SNX22: variants seen among roughly 807,000 people sequenced by gnomAD.
SNX22 encodes sorting nexin 22, also known as sorting nexin-22.
Under a neutral mutation model 24.7 loss-of-function variants are expected in SNX22, and 23 were observed. The observed-to-expected ratio is 0.93, with a 90% CI of 0.67 to 1.32. SNX22 has a LOEUF of 1.32. Among genes scored for constraint, SNX22 ranks in the 40% most tolerant of loss-of-function variants. SNX22 has a pLI of 0.00. For synonymous variants in SNX22, 99 were observed against 104.0 expected (o/e 0.95, Z 0.29); for missense variants, 261 against 249.9 (o/e 1.04, Z -0.30).
At position 64,156,779 on chromosome 15, in the gene SNX22, C is replaced by T; in HGVS notation, c.*2271C>T. 6.2e-7 allele frequency: 1 copy of T among 1,614,208 alleles called. No individual in the cohort carries two copies. Among genetic ancestry groups the T allele is most frequent in the African/African-American group, 1.3e-5 (1 of 75,050 alleles). On this transcript the variant is annotated 3_prime_UTR_variant, in exon 7 of 7. Transcript: ENST00000325881. The surrounding 1 kb of genome is among the most constrained non-coding windows in gnomAD (Gnocchi z 6.4). The stretch of plus-strand genomic sequence containing the variant: ...CATGCTTGCCATCTAGCCAGGCTGT[C>T]TTGACTGTCGTGATGAAGAACTGGG...
rs368005220 is a variant in SNX22, at chr15:64,151,808, C to G, written c.33C>G (p.Pro11=). The G allele has an allele frequency of 6.5e-7, 1 of 1,537,720 alleles. No homozygotes were observed. Among genetic ancestry groups the G allele is most frequent in the Admixed American group, 2.0e-5 (1 of 50,354 alleles). Residue 11 remains proline, a synonymous_variant, in exon 1 of 7, where the codon CCC becomes CCG. Coordinates refer to ENST00000325881, the MANE Select transcript of SNX22 (RefSeq NM_024798.3). ...AAGTTCACATCCCGTCGGTGGGGCCCGAGGCCGAGGGGCCCAGGCAGAGCC... is the reference window on the plus strand; with the variant it reads ...AAGTTCACATCCCGTCGGTGGGGCCGGAGGCCGAGGGGCCCAGGCAGAGCC... MLEVHIPSVG[P]EAEGPRQSPE... is the part of the protein sequence containing the mutation.
In SNX22 at chr15:64,153,642, T is replaced by G. The variant is rs965656993; in HGVS notation, c.360-10T>G. ...CCCCAGGCAGCTTACAGTGTTTCTC[T>G]TCTCTTCAGCACCCTGAGGGAGTTC... On this transcript the variant is annotated splice_polypyrimidine_tract_variant and intron_variant, in intron 4 of 6. Transcript: ENST00000325881. 5 of 1,613,960 alleles carry G rather than the reference T, an allele frequency of 3.1e-6. No homozygotes were observed. The Admixed American group carries it at 8.3e-5, about 27-fold the overall frequency.
At position 64,155,833 on chromosome 15, in the gene SNX22, A is replaced by AC. The variant is rs397748288; in HGVS notation, c.*1328dup. The AC allele has an allele frequency of 4.0e-4, 314 of 792,722 alleles. 1 individual carries two copies. The highest frequency in any genetic ancestry group is 1.6e-4 in the Non-Finnish European group (82 of 508,768). The allele number at this position is 792,722 out of a possible 1,614,324, so 49.1% of individuals were successfully genotyped here. On this transcript the variant is annotated 3_prime_UTR_variant, in exon 7 of 7. Coordinates refer to ENST00000325881, the MANE Select transcript of SNX22 (RefSeq NM_024798.3). ...CACATTATATATTAAAAAAAAAAAA[A>AC]CCCACATTTTTTTTTATTGGTCAGT...
chr15:64,155,809 A>G lies in SNX22; in HGVS notation c.*1301A>G. The G allele has an allele frequency of 1.7e-6, 1 of 584,944 alleles. No individual in the cohort carries two copies. Among genetic ancestry groups the G allele is most frequent in the South Asian group, 2.0e-5 (1 of 50,204 alleles). The allele number at this position is 584,944 out of a possible 1,614,324, so 36.2% of individuals were successfully genotyped here. On this transcript the variant is annotated 3_prime_UTR_variant, in exon 7 of 7. Coordinates refer to ENST00000325881, the MANE Select transcript of SNX22 (RefSeq NM_024798.3). Reference sequence around the variant, plus strand: ...CTGCAGGCTCAAGAACCAGGCCCACACATTATATATTAAAAAAAAAAAAAC... The same window carrying G: ...CTGCAGGCTCAAGAACCAGGCCCACGCATTATATATTAAAAAAAAAAAAAC...
rs147669682 is a variant in SNX22, at chr15:64,154,510, C to G, written c.*2C>G. ...GCTCCTCTGCCACCGATGCCCTGAT[C>G]AGTCCAGAGGCCTTTGGCTGCCTCC... On this transcript the variant is annotated 3_prime_UTR_variant, in exon 7 of 7. Transcript: ENST00000325881. The G allele has an allele frequency of 4.3e-6, 7 of 1,614,000 alleles. No individual in the cohort carries two copies. In the African/African-American group the frequency reaches 6.7e-5, roughly 15 times the overall value.
rs2081511832 is a variant in SNX22, at chr15:64,154,432, A to G, written c.506A>G (p.Tyr169Cys). The G allele has an allele frequency of 6.2e-7, 1 of 1,613,998 alleles. No homozygotes were observed. The highest frequency in any genetic ancestry group is 1.7e-5 in the Admixed American group (1 of 60,004). ...GTGAATGGTGTGCTCCAGGGCCTCT[A>G]CAGCTTCAGCATCAGCCCAGATAAA... ...VVVNGVLQGL[Y>C]SFSISPDKAQ... The change falls in exon 7 of 7, where the codon TAC (tyrosine) becomes TGC (cysteine). Residue 169 changes from tyrosine to cysteine, a missense_variant. By Grantham distance (194) the Tyr-to-Cys change is radical. Transcript: ENST00000325881.
In SNX22 at chr15:64,153,420, T is replaced by C. The variant is rs2081501770; in HGVS notation, c.359+81T>C. On this transcript the variant is annotated intron_variant, in intron 4 of 6. Coordinates refer to ENST00000325881, the MANE Select transcript of SNX22 (RefSeq NM_024798.3). ...AGGTGTTGGAGGGCAAGCCCTTTCTTTTCACATCTGCCAGGATCCAGCATG... is the reference window on the plus strand; with the variant it reads ...AGGTGTTGGAGGGCAAGCCCTTTCTCTTCACATCTGCCAGGATCCAGCATG... 3 of 1,592,026 alleles carry C rather than the reference T, an allele frequency of 1.9e-6. No homozygotes were observed. The Admixed American group carries it at 5.3e-5, about 28-fold the overall frequency.
rs1238063597 is a variant in SNX22 at position 64,155,829 on chromosome 15, A to AAC, written c.*1322_*1323insCA. On this transcript the variant is annotated 3_prime_UTR_variant, in exon 7 of 7. Transcript: ENST00000325881. ...CCCACACATTATATATTAAAAAAAA[A>AAC]AAAACCCACATTTTTTTTTATTGGT... is the stretch of plus-strand genomic sequence containing the variant. The AAC allele has an allele frequency of 3.8e-6, 3 of 783,018 alleles. No individual in the cohort carries two copies. The African/African-American group carries it at 5.3e-5, about 14-fold the overall frequency. 48.5% of individuals were successfully genotyped at this position (783,018 alleles called of 1,614,324 possible). A position where few individuals can be genotyped will look rare whatever the true frequency, so the allele number is the denominator to read the frequency against.
In SNX22 at chr15:64,151,734, G is replaced by T. The variant is rs753725343; in HGVS notation, c.-42G>T. 6.6e-7 allele frequency: 1 copy of T among 1,519,740 alleles called. No homozygotes were observed. The highest frequency in any genetic ancestry group is 1.2e-5 in the South Asian group (1 of 81,426). The allele number at this position is 1,519,740 out of a possible 1,614,324, so 94.1% of individuals were successfully genotyped here. A position where few individuals can be genotyped will look rare whatever the true frequency, so the allele number is the denominator to read the frequency against. On this transcript the variant is annotated 5_prime_UTR_variant, in exon 1 of 7. Transcript: ENST00000325881. The stretch of plus-strand genomic sequence containing the variant: ...CTCAGTCCGCTCCGGGAGAGTTAGG[G>T]CTCCGAGCCGAGCGCGCGGAGCAGC...
Position 64,151,819 on chromosome 15 carries a change from G to A in SNX22, c.44G>A (p.Gly15Glu). Residue 15 changes from glycine to glutamate, a missense_variant, in exon 1 of 7, where the codon GGG becomes GAG. Transcript: ENST00000325881. ...CCGTCGGTGGGGCCCGAGGCCGAGG[G>A]GCCCAGGCAGAGCCCGGAGAAAAGC... ...HIPSVGPEAE[G>E]PRQSPEKSHM... 1 of 1,538,828 alleles carries A rather than the reference G, an allele frequency of 6.5e-7. No homozygotes were observed. The highest frequency in any genetic ancestry group is 1.4e-5 in the African/African-American group (1 of 71,774).
Position 64,155,966 on chromosome 15 carries a change from T to G in SNX22, c.*1458T>G. 6.2e-7 allele frequency: 1 copy of G among 1,613,180 alleles called. No homozygotes were observed. Among genetic ancestry groups the G allele is most frequent in the Non-Finnish European group, 8.5e-7 (1 of 1,179,810 alleles). On this transcript the variant is annotated 3_prime_UTR_variant, in exon 7 of 7. Coordinates refer to ENST00000325881, the MANE Select transcript of SNX22 (RefSeq NM_024798.3). ...CCGGGGCCAGTGCAGCTCAGAGCCC[T>G]GTGGCGGACTACAGGGCCTGCACAG...
Position 64,155,880 on chromosome 15 carries a change from A to C in SNX22, c.*1372A>C. On this transcript the variant is annotated 3_prime_UTR_variant, in exon 7 of 7. Coordinates refer to ENST00000325881, the MANE Select transcript of SNX22 (RefSeq NM_024798.3). ...CAGTGTTGGTAGGAGTTTGTTACAA[A>C]AGTGAGTCCATGGGCCTGTGGAATG... The C allele has an allele frequency of 7.8e-7, 1 of 1,289,892 alleles. No homozygotes were observed. Among genetic ancestry groups the C allele is most frequent in the Non-Finnish European group, 1.1e-6 (1 of 900,902 alleles). The allele number at this position is 1,289,892 out of a possible 1,614,324, so 79.9% of individuals were successfully genotyped here.
intron 3 of SNX22, 122 bp from the exon 4 acceptor site, chr15:64,153,123 A>G: frequency 8.0e-7 from 1 of 1,251,028 alleles, no homozygotes; most frequent in Admixed American, 2.1e-5. Flanking sequence ...GCCTGGTTCA[A>G]CGCTCTGCTG....
chr15:64,156,491 G>A lies in SNX22; in HGVS notation c.*1983G>A, dbSNP rs143219457. 284 of 637,934 alleles carry A rather than the reference G, an allele frequency of 4.5e-4. No individual in the cohort carries two copies. In the East Asian group the frequency reaches 7.0e-3, roughly 16 times the overall value. 39.5% of individuals were successfully genotyped at this position (637,934 alleles called of 1,614,324 possible). A position where few individuals can be genotyped will look rare whatever the true frequency, so the allele number is the denominator to read the frequency against. On this transcript the variant is annotated 3_prime_UTR_variant, in exon 7 of 7. Coordinates refer to ENST00000325881, the MANE Select transcript of SNX22 (RefSeq NM_024798.3). This position sits in a 1 kb window ranked among gnomAD's most constrained non-coding sequence, Gnocchi z 6.4. ...CAGCACGTCACTGAGTGAAGGAGGG[G>A]AGGGAGGCTCTGGCAGTTGTGCAGC...
In SNX22 at chr15:64,154,395, C is replaced by A. The variant is rs754163556; in HGVS notation, c.469C>A (p.Pro157Thr). 9 of 1,614,168 alleles carry A rather than the reference C, an allele frequency of 5.6e-6. No individual in the cohort carries two copies. The highest frequency in any genetic ancestry group is 7.6e-6 in the Non-Finnish European group (9 of 1,180,020). The change falls in exon 7 of 7, where the codon CCC (proline) becomes ACC (threonine). Residue 157 changes from proline (P) to threonine (T), a missense_variant. By Grantham distance (38) the Pro-to-Thr change is conservative. Transcript: ENST00000325881. The stretch of plus-strand genomic sequence containing the variant: ...TTAATTCTATCCCACAGAGTCGCTG[C>A]CCAACGTGGTGGTGAATGGTGTGCT... ...YVCNPSPESLPNVVVNGVLQG... is the reference protein window; with the variant it reads ...YVCNPSPESLTNVVVNGVLQG...
Position 64,154,447 on chromosome 15 carries a change from G to GC in SNX22, c.524dup (p.Asp176ArgfsTer2), listed in dbSNP as rs1368688406. On this transcript the variant is annotated frameshift_variant, in exon 7 of 7. Coordinates refer to ENST00000325881, the MANE Select transcript of SNX22 (RefSeq NM_024798.3). LOFTEE classifies it low-confidence loss of function (END_TRUNC). ...CAGGGCCTCTACAGCTTCAGCATCA[G>GC]CCCAGATAAAGCCCAGCCAAAGGCG... 2 of 1,614,126 alleles carry GC rather than the reference G, an allele frequency of 1.2e-6. No individual in the cohort carries two copies.
At chr15:64,152,221 C>T (rs1416090963) in intron 1 of SNX22, 22 bp from the exon 2 acceptor site, 3 of 1,388,472 alleles carry the variant, frequency 2.2e-6, no homozygotes, top group Non-Finnish European at 2.8e-6. Flanking sequence ...CGCGCAGACC[C>T]GCTGCCCGCC....
chr15:64,152,696 C>T lies in SNX22; in HGVS notation c.218C>T (p.Thr73Ile), dbSNP rs1404198285. ...TCGAAACGCCTGCCCAACTGGAGGA[C>T]CAGAGGGTTGGAACAGCGCCGGCAG... is the stretch of plus-strand genomic sequence containing the variant. ...FPSKRLPNWR[T>I]RGLEQRRQGL... The change falls in exon 3 of 7, where the codon ACC becomes ATC. Residue 73 changes from threonine to isoleucine, a missense_variant. Physicochemically the swap from Thr to Ile is moderately conservative, Grantham distance 89. Coordinates refer to ENST00000325881, the MANE Select transcript of SNX22 (RefSeq NM_024798.3). The T allele has an allele frequency of 6.2e-7, 1 of 1,614,194 alleles. No homozygotes were observed. Among genetic ancestry groups the T allele is most frequent in the Non-Finnish European group, 8.5e-7 (1 of 1,180,040 alleles).
At chr15:64,153,195 A>G in intron 3 of SNX22, 50 bp from the exon 4 acceptor site, 3 of 1,609,566 alleles carry the variant, frequency 1.9e-6, no homozygotes, top group Non-Finnish European at 2.6e-6. Flanking sequence ...GCACTGCGCT[A>G]TGCAAATTAG....
Sources: allele counts gnomAD v4.1 joint callset, GRCh38; gene constraint gnomAD v4.1.1; non-coding constraint Gnocchi (gnomAD v3.1); transcripts MANE v1.5; gene names NCBI Gene and HGNC (gene_info 2026-07-23, HGNC 2026-07-21).